Variants in RNF213 observed in about 807,000 individuals in gnomAD.
The protein encoded by RNF213 is ring finger protein 213.
A neutral mutation model predicts 514.4 loss-of-function variants in RNF213; 341 were observed. That is an observed-to-expected ratio of 0.66 (90% CI 0.61 to 0.73). RNF213 has a LOEUF of 0.73. Among genes scored for constraint, RNF213 ranks in the 30% least tolerant of loss-of-function variants. The pLI is 0.00. For missense variants in RNF213, 5,767 were observed against 6,615.6 expected (o/e 0.87, Z 4.45); for synonymous variants, 2,655 against 2,658.2 (o/e 1.00, Z 0.04).
chr17:80,266,219 A>G (rs183631135), intron 2 of RNF213, among the ~76,000 whole-genome samples: 24 of 151,342 alleles, frequency 1.6e-4, no homozygotes, highest in Admixed American at 1.5e-3. Flanking sequence ...AGGTGAGTAG[A>G]TCGCTTGAGC....
chr17:80,353,981 G>C lies in RNF213; in HGVS notation c.10579-38G>C. On this transcript the variant is annotated intron_variant, in intron 34 of 67. Coordinates refer to ENST00000582970, the MANE Select transcript of RNF213 (RefSeq NM_001256071.3). This position sits in a 1 kb window ranked among gnomAD's most constrained non-coding sequence, Gnocchi z 5.0. ...GGTTTGGCTTTTGCCCACTGTGTCA[G>C]TGGCAGAAACGGATGACCCAACCGT... 1 of 1,613,140 alleles carries C rather than the reference G, an allele frequency of 6.2e-7. No individual in the cohort carries two copies. Among genetic ancestry groups the C allele is most frequent in the Non-Finnish European group, 8.5e-7 (1 of 1,179,854 alleles).
rs985940093 is a variant in RNF213, at chr17:80,319,607, A to G, written c.3024+295A>G. The G allele has an allele frequency of 7.1e-6, 11 of 1,549,144 alleles. No individual in the cohort carries two copies. In the African/African-American group the frequency reaches 1.5e-4, roughly 21 times the overall value. On this transcript the variant is annotated intron_variant, in intron 17 of 67. Coordinates refer to ENST00000582970, the MANE Select transcript of RNF213 (RefSeq NM_001256071.3). ...CACGGGCTTGCAGGCCGTTCCTCAGATGGCCCTGTCATCACTGTGGCTGCT... is the reference window on the plus strand; with the variant it reads ...CACGGGCTTGCAGGCCGTTCCTCAGGTGGCCCTGTCATCACTGTGGCTGCT...
At chr17:80,307,247 G>A (rs187714837) in intron 13 of RNF213, 46 bp downstream of exon 13, 91 of 1,574,238 alleles carry the variant, frequency 5.8e-5, no homozygotes, top group African/African-American at 5.0e-4. Flanking sequence ...TGCGGCCCCC[G>A]GGGGCTTCCT....
chr17:80,393,291 T>G, intron 67 of RNF213, 54 bp from the exon 68 acceptor site: 469 of 1,538,036 alleles, frequency 3.0e-4, no homozygotes, highest in Middle Eastern at 7.1e-4. Context: ...CTTACACACG[T>G]GAGCCACCAT....
chr17:80,353,599 A>G lies in RNF213; in HGVS notation c.10511A>G (p.Glu3504Gly), dbSNP rs1217244636. The G allele has an allele frequency of 6.2e-7, 1 of 1,614,078 alleles. No individual in the cohort carries two copies. Among genetic ancestry groups the G allele is most frequent in the African/African-American group, 1.3e-5 (1 of 74,930 alleles). The change falls in exon 34 of 68, where the codon GAG (glutamate) becomes GGG (glycine). Residue 3504 changes from glutamate to glycine, a missense_variant. Around this residue, in one of 13 missense-constraint regions of RNF213, gnomAD observed 919 missense variants for 1,121.0 expected, o/e 0.82. Transcript: ENST00000582970. This position sits in a 1 kb window ranked among gnomAD's most constrained non-coding sequence, Gnocchi z 5.0. ...TCAGGGGAGGTGGCAGAGGTGGCAG[A>G]GGAGGCCATGGAAACAGAAAGTTCT... Reference protein sequence around the residue: ...STSGEVAEVAEEAMETESSEK... With the variant: ...STSGEVAEVAGEAMETESSEK...
At chr17:80,385,514 C>T (rs1335054666) in intron 60 of RNF213, 24 bp from the exon 61 acceptor site, 1 of 1,610,022 alleles carries the variant, frequency 6.2e-7, no homozygotes, top group East Asian at 2.2e-5. Flanking sequence ...TCATACGGTT[C>T]TTACCAAGTA....
intron 38 of RNF213, among the ~76,000 whole-genome samples, chr17:80,361,100 C>T (rs1029182959): frequency 2.0e-5 from 3 of 152,208 alleles, no homozygotes; most frequent in South Asian, 2.1e-4. Context: ...ATGCTGTGAC[C>T]TGTAGCCATG....
chr17:80,368,301 T>TA (rs1226649124), intron 44 of RNF213, among the ~76,000 whole-genome samples, 158 bp downstream of exon 44: 1 of 152,240 alleles, frequency 6.6e-6, no homozygotes, highest in Non-Finnish European at 1.5e-5. Context: ...CTTTCATAAA[T>TA]ATCTGGTATC....
Position 80,386,897 on chromosome 17 carries a change from G to A in RNF213, c.14922+6G>A, listed in dbSNP as rs764389862. 4 of 1,605,834 alleles carry A rather than the reference G, an allele frequency of 2.5e-6. No individual in the cohort carries two copies. The Admixed American group carries it at 6.8e-5, about 27-fold the overall frequency. On this transcript the variant is annotated splice_donor_region_variant and intron_variant, in intron 63 of 67. Transcript: ENST00000582970. ...AGCCCCGGCTGAGCCTCAAGGTAGG[G>A]CTGACTCCTGCCACTGCTGCTCATT...
chr17:80,396,923 T>C lies in RNF213; in HGVS notation c.*3425T>C, dbSNP rs1380802885. 6.6e-6 allele frequency: 1 copy of C among 152,250 alleles called. No homozygotes were observed. The highest frequency in any genetic ancestry group is 1.5e-5 in the Non-Finnish European group (1 of 68,126). The allele number at this position is 152,250 out of a possible 1,614,324, so 9.4% of individuals were successfully genotyped here. A position where few individuals can be genotyped will look rare whatever the true frequency, so the allele number is the denominator to read the frequency against. On this transcript the variant is annotated 3_prime_UTR_variant, in exon 68 of 68. Coordinates refer to ENST00000582970, the MANE Select transcript of RNF213 (RefSeq NM_001256071.3). Reference sequence around the variant, plus strand: ...AGCAAGTGCTCCACCAGGCTGCCCCTGCTCAGGTGCTCCACAGCCCATAAA... The same window carrying C: ...AGCAAGTGCTCCACCAGGCTGCCCCCGCTCAGGTGCTCCACAGCCCATAAA...
intron 57 of RNF213, chr17:80,382,701 T>C (rs972210546): frequency 1.7e-5 from 6 of 353,582 alleles, no homozygotes; most frequent in Non-Finnish European, 3.3e-5. Flanking sequence ...CTCTTACTAT[T>C]GAGCTCAAGT....
chr17:80,396,001 C>G lies in RNF213; in HGVS notation c.*2503C>G, dbSNP rs905853316. The G allele has an allele frequency of 6.6e-6, 1 of 152,334 alleles. No homozygotes were observed. Among genetic ancestry groups the G allele is most frequent in the African/African-American group, 2.4e-5 (1 of 41,428 alleles). 9.4% of individuals were successfully genotyped at this position (152,334 alleles called of 1,614,324 possible). A position where few individuals can be genotyped will look rare whatever the true frequency, so the allele number is the denominator to read the frequency against. On this transcript the variant is annotated 3_prime_UTR_variant, in exon 68 of 68. Transcript: ENST00000582970. ...CATCCTCACTCCCACTCATACCCGC[C>G]TCCCTGGACAGTTCCCTGCTGCAGA...
intron 57 of RNF213, 125 bp from the exon 58 acceptor site, chr17:80,382,854 A>C: frequency 1.4e-6 from 1 of 695,128 alleles, no homozygotes; most frequent in Non-Finnish European, 2.6e-6. Context: ...ACTTAGATTA[A>C]TTTAGAAAGC....
In RNF213 at chr17:80,393,378, T is replaced by G. The variant is rs1568178936; in HGVS notation, c.15504T>G (p.Thr5168=). 1 of 1,614,190 alleles carries G rather than the reference T, an allele frequency of 6.2e-7. No individual in the cohort carries two copies. ...ACACTCTCGTAAGTTACATGCAAAC[T>G]AAAGAAAGTGAAATTCTTCCTGAAA... ...LRDTLVSYMQ[T]KESEILPEMA... The change falls in exon 68 of 68, where the codon ACT becomes ACG. Residue 5168 remains threonine (T), a synonymous_variant. Transcript: ENST00000582970.
chr17:80,277,937 G>C (rs998829645), intron 3 of RNF213, among the ~76,000 whole-genome samples: 2 of 152,350 alleles, frequency 1.3e-5, no homozygotes, highest in Admixed American at 1.3e-4. Flanking sequence ...TCATGGGGTG[G>C]GTGGAGAGGG....
intron 30 of RNF213, 122 bp downstream of exon 30, chr17:80,350,028 C>A: frequency 2.7e-6 from 3 of 1,114,080 alleles, no homozygotes; most frequent in Non-Finnish European, 4.0e-6. Context: ...TGAAATAGAT[C>A]CTTGTTAAAT....
rs1280459973 is a variant in RNF213, at chr17:80,264,726, C to CCG, written c.97+949_97+950insGC. Reference sequence around the variant, plus strand: ...GCACAGCAGACAGTCAAACCACAGACCCCCTTACAAGATCCGCCCCTGCCC... The same window carrying CCG: ...GCACAGCAGACAGTCAAACCACAGACCGCCCCTTACAAGATCCGCCCCTGCCC... On this transcript the variant is annotated intron_variant, in intron 2 of 67. Transcript: ENST00000582970. The surrounding 1 kb of genome is among the most constrained non-coding windows in gnomAD (Gnocchi z 5.0). Among the ~76,000 whole-genome samples, 35 of 152,096 alleles carry CCG rather than the reference C, an allele frequency of 2.3e-4. No individual in the cohort carries two copies. Among genetic ancestry groups the CCG allele is most frequent in the Non-Finnish European group, 4.1e-4 (28 of 68,026 alleles).
chr17:80,377,240 G>C lies in RNF213; in HGVS notation c.13510+277G>C, dbSNP rs192762149. 356 of 484,580 alleles carry C rather than the reference G, an allele frequency of 7.3e-4. 3 individuals carry two copies. The highest frequency in any genetic ancestry group is 6.0e-3 in the African/African-American group (311 of 51,416). 30.0% of individuals were successfully genotyped at this position (484,580 alleles called of 1,614,324 possible). ...TGGAATATGCCATTTTGGGAGAAGG[G>C]AGGGACTGGGAACCACATCAGAGAC... On this transcript the variant is annotated intron_variant, in intron 53 of 67. Coordinates refer to ENST00000582970, the MANE Select transcript of RNF213 (RefSeq NM_001256071.3). This position sits in a 1 kb window ranked among gnomAD's most constrained non-coding sequence, Gnocchi z 4.1.
chr17:80,280,894 CAG>C (rs1234836863), intron 3 of RNF213, among the ~76,000 whole-genome samples: 13 of 152,072 alleles, frequency 8.5e-5, no homozygotes, highest in African/African-American at 2.9e-4. Context: ...CACGGAGTAA[CAG>C]AGGCGCGACC....
Sources: gnomAD v4.1 joint callset for allele counts (sites outside exome capture counted in the v4.1 genomes callset) on GRCh38, gnomAD v4.1.1 for gene constraint, gnomAD v4.1.1 regional missense constraint, Gnocchi (gnomAD v3.1) non-coding constraint, MANE v1.5 for transcripts, NCBI Gene and HGNC (gene_info 2026-07-23, HGNC 2026-07-21) for gene names.